PCDH9: variants seen among roughly 807,000 people sequenced by gnomAD.
The protein encoded by PCDH9 is protocadherin 9, also known as protocadherin-9.
In PCDH9, 24 loss-of-function variants were observed where a neutral mutation model predicts 70.6. The observed-to-expected ratio is 0.34, with a 90% confidence interval of 0.25 to 0.48. PCDH9 has a LOEUF of 0.48. Among genes scored for constraint, PCDH9 ranks in the 20% least tolerant of loss-of-function variants. The probability of loss-of-function intolerance (pLI) is 0.99; values close to 1 mark genes in which losing one functional copy is unlikely to be tolerated. For synonymous variants in PCDH9, 562 were observed against 558.5 expected (o/e 1.01, Z -0.09); for missense variants, 1,281 against 1,503.6 (o/e 0.85, Z 2.45).
At chr13:66,895,867 T>A (rs1286577935) in intron 3 of PCDH9, among the ~76,000 whole-genome samples, 1 of 152,130 alleles carries the variant, frequency 6.6e-6, no homozygotes, top group Non-Finnish European at 1.5e-5. Context: ...GAAAGGCTCA[T>A]CCCCCCTCTC....
At chr13:67,002,911 T>A (rs1409795679) in intron 2 of PCDH9, among the ~76,000 whole-genome samples, 1 of 151,938 alleles carries the variant, frequency 6.6e-6, no homozygotes, top group Non-Finnish European at 1.5e-5. Context: ...TTACTAGTAT[T>A]TTTTTTTCAT....
rs536872737 is a variant in PCDH9 at position 66,836,393 on chromosome 13, T to A, written c.3138+67111A>T. ...TAAATATTATTTTCATGTATTTTTTTAAAAAATTACATAATGTTCCTTTTG... is the reference window on the plus strand; with the variant it reads ...TAAATATTATTTTCATGTATTTTTTAAAAAAATTACATAATGTTCCTTTTG... On this transcript the variant is annotated intron_variant, in intron 3 of 4. Coordinates refer to ENST00000377865, the MANE Select transcript of PCDH9 (RefSeq NM_203487.3). 8.2e-4 allele frequency among the ~76,000 whole-genome samples: 125 copies of A among 152,286 alleles called. 1 individual carries two copies. Among genetic ancestry groups the A allele is most frequent in the African/African-American group, 2.4e-3 (101 of 41,558 alleles).
chr13:67,007,674 T>G (rs142421936), intron 2 of PCDH9, among the ~76,000 whole-genome samples: 1 of 152,302 alleles, frequency 6.6e-6, no homozygotes, highest in African/African-American at 2.4e-5. Flanking sequence ...ATAAGAATCC[T>G]CATGTGCGTG....
intron 2 of PCDH9, among the ~76,000 whole-genome samples, chr13:66,986,123 G>A (rs1193716523): frequency 6.6e-6 from 1 of 151,980 alleles, no homozygotes; most frequent in Non-Finnish European, 1.5e-5. Flanking sequence ...GGTGGAAGGG[G>A]AAGCAAACAT....
intron 3 of PCDH9, among the ~76,000 whole-genome samples, chr13:66,636,218 G>A (rs2077635117): frequency 6.6e-6 from 1 of 152,022 alleles, no homozygotes; most frequent in Non-Finnish European, 1.5e-5. Flanking sequence ...CATTATCTTT[G>A]TAATAATAAA....
intron 3 of PCDH9, among the ~76,000 whole-genome samples, chr13:66,635,943 T>C (rs540973253): frequency 3.9e-5 from 6 of 152,284 alleles, no homozygotes; most frequent in Admixed American, 3.9e-4. Context: ...CATATAGTTG[T>C]GTTAAGTATT....
Position 67,226,915 on chromosome 13 carries a change from C to A in PCDH9, c.1526G>T (p.Gly509Val), listed in dbSNP as rs2089889677. Reference protein sequence around the residue: ...GKNADIVYQLGPNASFFDLDR... With the variant: ...GKNADIVYQLVPNASFFDLDR... ...CAGATCAAAGAAGGAGGCATTCGGT[C>A]CAAGCTGATAAACAATGTCTGCATT... Residue 509 changes from glycine to valine, a missense_variant, in exon 2 of 5, where the codon GGA (glycine) becomes GTA (valine). This residue lies in a region of PCDH9 where 798 missense variants were observed against 1,003.1 expected (regional missense o/e 0.80). Coordinates refer to ENST00000377865, the MANE Select transcript of PCDH9 (RefSeq NM_203487.3). This position sits in a 1 kb window ranked among gnomAD's most constrained non-coding sequence, Gnocchi z 5.0. The A allele has an allele frequency of 3.1e-6, 5 of 1,614,184 alleles. No individual in the cohort carries two copies. Among genetic ancestry groups the A allele is most frequent in the Non-Finnish European group, 4.2e-6 (5 of 1,180,014 alleles).
intron 2 of PCDH9, among the ~76,000 whole-genome samples, chr13:67,006,182 G>A (rs569691906): frequency 2.6e-5 from 4 of 152,250 alleles, no homozygotes; most frequent in Non-Finnish European, 5.9e-5. Context: ...AGCGGAGATC[G>A]TGCCACTGCA....
chr13:66,878,771 G>T (rs904923876), intron 3 of PCDH9, among the ~76,000 whole-genome samples: 5 of 152,004 alleles, frequency 3.3e-5, no homozygotes, highest in Non-Finnish European at 7.4e-5. Context: ...GAAAATCATT[G>T]GGGATTTGAG....
intron 4 of PCDH9, among the ~76,000 whole-genome samples, chr13:66,540,151 A>G (rs1265367143): frequency 6.6e-6 from 1 of 151,956 alleles, no homozygotes; most frequent in Non-Finnish European, 1.5e-5. Flanking sequence ...CTGGGATTAC[A>G]AGTGTGAGCC....
chr13:66,976,715 T>C (rs2083627481), intron 2 of PCDH9, among the ~76,000 whole-genome samples: 1 of 152,076 alleles, frequency 6.6e-6, no homozygotes, highest in Non-Finnish European at 1.5e-5. Context: ...GAAAAACAGA[T>C]ACAAACTGTA....
intron 4 of PCDH9, among the ~76,000 whole-genome samples, chr13:66,569,130 T>C (rs1248484192): frequency 6.7e-6 from 1 of 150,208 alleles, no homozygotes; most frequent in Admixed American, 6.7e-5. Flanking sequence ...GCCTCCCTAG[T>C]AGTTGGGACT....
intron 3 of PCDH9, among the ~76,000 whole-genome samples, chr13:66,813,794 T>C (rs1012915750): frequency 6.6e-6 from 1 of 152,132 alleles, no homozygotes; most frequent in Non-Finnish European, 1.5e-5. Flanking sequence ...AGAAGAACAA[T>C]AATTAGTGCT....
chr13:66,401,199 C>T (rs899351877), intron 4 of PCDH9, among the ~76,000 whole-genome samples: 1 of 152,118 alleles, frequency 6.6e-6, no homozygotes. Context: ...ACCCAAATCT[C>T]ATCTTGAATT....
chr13:66,869,507 T>C (rs2081634799), intron 3 of PCDH9, among the ~76,000 whole-genome samples: 3 of 152,174 alleles, frequency 2.0e-5, no homozygotes, highest in South Asian at 2.1e-4. Flanking sequence ...TCTTAGATTA[T>C]AAAGACTGGA....
chr13:67,220,729 T>C (rs1175034294), intron 2 of PCDH9: 2 of 152,100 alleles, frequency 1.3e-5, no homozygotes, highest in Non-Finnish European at 2.9e-5. Flanking sequence ...TGTCACCACA[T>C]ATACTATTTT....
chr13:66,440,869 CAG>C (rs1248362035), intron 4 of PCDH9, among the ~76,000 whole-genome samples: 1 of 152,090 alleles, frequency 6.6e-6, no homozygotes, highest in East Asian at 1.9e-4. Flanking sequence ...GCATCCAACA[CAG>C]AGACTGTACC....
At chr13:66,684,481 C>T (rs1029846770) in intron 3 of PCDH9, among the ~76,000 whole-genome samples, 3 of 152,142 alleles carry the variant, frequency 2.0e-5, no homozygotes, top group Non-Finnish European at 4.4e-5. Flanking sequence ...ATCATGGGGG[C>T]AGTTACCTCC....
intron 3 of PCDH9, among the ~76,000 whole-genome samples, chr13:66,758,215 T>C (rs1030382104): frequency 3.9e-5 from 6 of 151,946 alleles, no homozygotes; most frequent in Non-Finnish European, 8.8e-5. Context: ...AAAACACTTA[T>C]CTCCTTTTGC....
Sources: gnomAD v4.1 joint callset for allele counts (sites outside exome capture counted in the v4.1 genomes callset) on GRCh38, gnomAD v4.1.1 for gene constraint, gnomAD v4.1.1 regional missense constraint, Gnocchi (gnomAD v3.1) non-coding constraint, MANE v1.5 for transcripts, NCBI Gene and HGNC (gene_info 2026-07-23, HGNC 2026-07-21) for gene names.